Variants in IGF2R observed in about 807,000 individuals in gnomAD.
IGF2R encodes the protein insulin like growth factor 2 receptor.
Under a neutral mutation model 270.6 loss-of-function variants are expected in IGF2R, and 91 were observed. That is an observed-to-expected ratio of 0.34 (90% confidence interval 0.28 to 0.40). IGF2R has a LOEUF of 0.40. IGF2R is among the 10% of genes least tolerant of loss of function. The pLI is 1.00. For synonymous variants in IGF2R, 1,316 were observed against 1,258.9 expected, an observed-to-expected ratio of 1.05 and a Z score of -0.96; for missense variants, 2,805 against 3,188.3, an observed-to-expected ratio of 0.88 and a Z score of 2.90.
chr6:160,012,204 G>A (rs1008938221), intron 4 of IGF2R, among the ~76,000 whole-genome samples: 1 of 152,120 alleles, frequency 6.6e-6, no homozygotes, highest in African/African-American at 2.4e-5. Context: ...AGTGTCAAAT[G>A]TAAGCTTCAT....
At chr6:160,096,855 G>A (rs557387014) in intron 45 of IGF2R, among the ~76,000 whole-genome samples, 114 of 152,234 alleles carry the variant, frequency 7.5e-4, no homozygotes, top group Middle Eastern at 3.4e-3. Context: ...ACCACCCCCA[G>A]CAGCAGTGCC....
chr6:160,042,730 G>A (rs936816491), intron 11 of IGF2R, among the ~76,000 whole-genome samples: 2 of 152,246 alleles, frequency 1.3e-5, no homozygotes, highest in African/African-American at 4.8e-5. Context: ...GGCCTTCACA[G>A]GGGCCGAGCG....
In IGF2R at chr6:160,047,320, G is replaced by T; in HGVS notation, c.2213G>T (p.Gly738Val). 1 of 1,596,452 alleles carries T rather than the reference G, an allele frequency of 6.3e-7. No individual in the cohort carries two copies. The highest frequency in any genetic ancestry group is 8.5e-7 in the Non-Finnish European group (1 of 1,172,862). The change falls in exon 16 of 48, where the codon GGC (glycine) becomes GTC (valine). Residue 738 changes from glycine (G) to valine (V), a missense_variant. Around this residue, in one of 2 missense-constraint regions of IGF2R, gnomAD observed 954 missense variants for 981.1 expected, o/e 0.97. Transcript: ENST00000356956. ...CTCTGTGATCGAGACGCGGGAGTGGGCTTCCCTGAATATCAGGTAGGAATG... is the reference window on the plus strand; with the variant it reads ...CTCTGTGATCGAGACGCGGGAGTGGTCTTCCCTGAATATCAGGTAGGAATG... ...TFLCDRDAGV[G>V]FPEYQEEDNS...
At chr6:160,067,209 C>T (rs141137249) in intron 29 of IGF2R, among the ~76,000 whole-genome samples, 1 of 152,232 alleles carries the variant, frequency 6.6e-6, no homozygotes, top group African/African-American at 2.4e-5. Context: ...GGCTTATGTG[C>T]CTCGGGCCCT....
At chr6:160,029,071 C>T (rs1777633457) in intron 6 of IGF2R, among the ~76,000 whole-genome samples, 1 of 152,134 alleles carries the variant, frequency 6.6e-6, no homozygotes, top group African/African-American at 2.4e-5. Flanking sequence ...GCAACCTCCG[C>T]CTCCCTGTTC....
intron 10 of IGF2R, among the ~76,000 whole-genome samples, chr6:160,037,335 A>G (rs1777849552): frequency 6.6e-6 from 1 of 152,252 alleles, no homozygotes; most frequent in Admixed American, 6.5e-5. Flanking sequence ...CCAGCTCTGT[A>G]ATTCAGCACT....
chr6:160,105,577 T>G lies in IGF2R; in HGVS notation c.*493T>G, dbSNP rs1779596394. The G allele has an allele frequency of 6.4e-6, 1 of 155,074 alleles. No homozygotes were observed. The highest frequency in any genetic ancestry group is 2.4e-5 in the African/African-American group (1 of 41,458). 9.6% of individuals were successfully genotyped at this position (155,074 alleles called of 1,614,324 possible). On this transcript the variant is annotated 3_prime_UTR_variant, in exon 48 of 48. Coordinates refer to ENST00000356956, the MANE Select transcript of IGF2R (RefSeq NM_000876.4). ...TACCAGTTTGTCCATCTTGAGATGG[T>G]GAGGCTGTCAGTGTATGGGGCAGCT...
At position 160,050,721 on chromosome 6, in the gene IGF2R, T is replaced by A; in HGVS notation, c.2694+69T>A. On this transcript the variant is annotated intron_variant, in intron 19 of 47. Coordinates refer to ENST00000356956, the MANE Select transcript of IGF2R (RefSeq NM_000876.4). This position sits in a 1 kb window ranked among gnomAD's most constrained non-coding sequence, Gnocchi z 4.0. ...TTGACTGAGCGTTGCCTTATGTGTC[T>A]CTTAACAGCAGCAGTCTTGGGGTGG... 7.2e-7 allele frequency: 1 copy of A among 1,395,066 alleles called. No individual in the cohort carries two copies. Among genetic ancestry groups the A allele is most frequent in the Non-Finnish European group, 9.8e-7 (1 of 1,025,562 alleles). 86.4% of individuals were successfully genotyped at this position (1,395,066 alleles called of 1,614,324 possible).
intron 2 of IGF2R, chr6:160,005,081 T>G (rs1029841426): frequency 6.6e-6 from 1 of 152,300 alleles, no homozygotes; most frequent in African/African-American, 2.4e-5. Context: ...GTCCAGCGCT[T>G]AGGTTCCTCC....
chr6:160,044,718 A>T (rs1299399367), intron 13 of IGF2R, 61 bp downstream of exon 13: 11 of 1,371,110 alleles, frequency 8.0e-6, no homozygotes, highest in Non-Finnish European at 1.1e-5. Context: ...TGCATTCTTC[A>T]TATCTCTGTT....
rs1204444649 is a variant in IGF2R, at chr6:160,032,949, C to G, written c.1053C>G (p.Ser351=). The G allele has an allele frequency of 1.3e-6, 2 of 1,590,720 alleles. No homozygotes were observed. The highest frequency in any genetic ancestry group is 2.2e-5 in the South Asian group (2 of 90,210). Reference sequence around the variant, plus strand: ...TAATTTCCCTGTTTTTAGGTTCATCCTATATTTCAGATGGAAAAGAATATT... The same window carrying G: ...TAATTTCCCTGTTTTTAGGTTCATCGTATATTTCAGATGGAAAAGAATATT... The part of the protein sequence containing the change: ...LTPLAQSGGS[S]YISDGKEYLF... The change falls in exon 9 of 48, where the codon TCC becomes TCG. Residue 351 remains serine, a synonymous_variant. Transcript: ENST00000356956.
At chr6:160,094,832 A>G (rs1779312232) in intron 44 of IGF2R, 1 of 142,298 alleles carries the variant, frequency 7.0e-6, no homozygotes. Flanking sequence ...TGGGAGGCAG[A>G]GCTTGCAGTG....
At chr6:160,074,411 G>A (rs9457821) in intron 35 of IGF2R, among the ~76,000 whole-genome samples, 1 of 152,234 alleles carries the variant, frequency 6.6e-6, no homozygotes, top group African/African-American at 2.4e-5. Flanking sequence ...TTTGCTAATA[G>A]CTAAATATTT....
intron 1 of IGF2R, among the ~76,000 whole-genome samples, chr6:159,976,730 A>G (rs1050437398): frequency 6.6e-6 from 1 of 151,874 alleles, no homozygotes; most frequent in African/African-American, 2.4e-5. Flanking sequence ...TGGACCCACT[A>G]AATTTTTAGA....
At chr6:160,104,373 G>A (rs995125627) in intron 47 of IGF2R, among the ~76,000 whole-genome samples, 2 of 151,852 alleles carry the variant, frequency 1.3e-5, no homozygotes, top group Admixed American at 1.3e-4. Context: ...CTGCTTTTCG[G>A]TCCAGGCCAT....
rs764210580 is a variant in IGF2R, at chr6:160,032,536, C to T, written c.883-15C>T. The T allele has an allele frequency of 1.2e-6, 2 of 1,608,412 alleles. No homozygotes were observed. The highest frequency in any genetic ancestry group is 1.7e-6 in the Non-Finnish European group (2 of 1,176,442). ...AACATTTTTTATTTTGCTTCTTTCACATTGTTCCTGATAGGGCACCATTCC... is the reference window on the plus strand; with the variant it reads ...AACATTTTTTATTTTGCTTCTTTCATATTGTTCCTGATAGGGCACCATTCC... On this transcript the variant is annotated splice_polypyrimidine_tract_variant and intron_variant, in intron 7 of 47. Coordinates refer to ENST00000356956, the MANE Select transcript of IGF2R (RefSeq NM_000876.4).
chr6:160,055,810 C>A (rs1778302481), intron 19 of IGF2R, among the ~76,000 whole-genome samples: 1 of 152,158 alleles, frequency 6.6e-6, no homozygotes, highest in Non-Finnish European at 1.5e-5. Context: ...CCCTGATCGG[C>A]AGCTACCATT....
At position 160,068,285 on chromosome 6, in the gene IGF2R, G is replaced by A. The variant is rs748819041; in HGVS notation, c.4152G>A (p.Leu1384=). 5.6e-6 allele frequency: 9 copies of A among 1,614,276 alleles called. No individual in the cohort carries two copies. Among genetic ancestry groups the A allele is most frequent in the East Asian group, 2.2e-5 (1 of 44,888 alleles). The change falls in exon 30 of 48, where the codon CTG becomes CTA. Residue 1384 remains leucine, a synonymous_variant. Transcript: ENST00000356956. The part of the protein sequence containing the change: ...GAGNSFDLSS[L]SRYSDNWEAI... Reference sequence around the variant, plus strand: ...GCAACTCCTTCGACCTCTCGTCCCTGTCAAGGTACAGTGACAACTGGGAAG... The same window carrying A: ...GCAACTCCTTCGACCTCTCGTCCCTATCAAGGTACAGTGACAACTGGGAAG...
Position 160,046,518 on chromosome 6 carries a change from C to G in IGF2R, c.1924C>G (p.Pro642Ala), listed in dbSNP as rs200122731. The change falls in exon 15 of 48, where the codon CCT becomes GCT. Residue 642 changes from proline to alanine, a missense_variant. Pro to Ala is a conservative substitution (Grantham distance 27). This residue lies in a region of IGF2R where 954 missense variants were observed against 981.1 expected (regional missense o/e 0.97). Transcript: ENST00000356956. ...SQAGFSFDLS[P>A]LTKKNGAYKV... ...CTTAGGGTTTTCTTTTGACTTATCA[C>G]CTCTCACAAAGAAAAATGGTGCCTA... 2 of 1,610,360 alleles carry G rather than the reference C, an allele frequency of 1.2e-6. No individual in the cohort carries two copies. The highest frequency in any genetic ancestry group is 1.7e-6 in the Non-Finnish European group (2 of 1,179,150).
Sources: allele counts gnomAD v4.1 joint callset (sites outside exome capture counted in the v4.1 genomes callset), GRCh38; gene constraint gnomAD v4.1.1; regional missense constraint gnomAD v4.1.1; non-coding constraint Gnocchi (gnomAD v3.1); transcripts MANE v1.5; gene names NCBI Gene and HGNC (gene_info 2026-07-23, HGNC 2026-07-21).